Variants in RFLNA observed in about 807,000 individuals in gnomAD.
RFLNA encodes refilin A.
In RFLNA, 5 loss-of-function variants were observed where a neutral mutation model predicts 7.8. The ratio of observed to expected loss-of-function variants is 0.64; its 90% CI spans 0.34 to 1.35. The LOEUF is 1.35. RFLNA is among the 40% of genes most tolerant of loss of function. RFLNA has a pLI of 0.04. For missense variants in RFLNA, 278 were observed against 305.5 expected, an observed-to-expected ratio of 0.91 and a Z score of 0.67; for synonymous variants, 141 against 131.3, an observed-to-expected ratio of 1.07 and a Z score of -0.50.
chr12:124,311,136 C>T (rs1182507705), intron 1 of RFLNA, among the ~76,000 whole-genome samples: 1 of 152,234 alleles, frequency 6.6e-6, no homozygotes, highest in South Asian at 2.1e-4. Flanking sequence ...TGGAGGAGAA[C>T]CTGGGTAGGG....
chr12:124,307,677 G>A (rs1055925116), intron 1 of RFLNA, among the ~76,000 whole-genome samples: 3 of 152,220 alleles, frequency 2.0e-5, no homozygotes, highest in African/African-American at 4.8e-5. Flanking sequence ...AGGGCTGGGC[G>A]GCGCAGGCCC....
At position 124,314,561 on chromosome 12, in the gene RFLNA, G is replaced by C. The variant is rs986045206; in HGVS notation, c.*36G>C. On this transcript the variant is annotated 3_prime_UTR_variant, in exon 3 of 3. Coordinates refer to ENST00000546355, the MANE Select transcript of RFLNA (RefSeq NM_001365156.1). ...GCCGGCCCGGGGTGCTGGAGGAGCC[G>C]GGAGCCCTGGGGAGAAGCCGGGAGG... 16 of 1,534,140 alleles carry C rather than the reference G, an allele frequency of 1.0e-5. No individual in the cohort carries two copies. In the East Asian group the frequency reaches 3.9e-4, roughly 37 times the overall value.
intron 2 of RFLNA, among the ~76,000 whole-genome samples, chr12:124,313,556 G>C (rs1234610179): frequency 1.3e-5 from 2 of 152,058 alleles, no homozygotes; most frequent in Admixed American, 6.5e-5. Flanking sequence ...GCGGGCGCCT[G>C]TAGTCCCAGC....
chr12:124,308,422 C>CTT (rs2034175462), intron 1 of RFLNA, among the ~76,000 whole-genome samples: 2 of 151,250 alleles, frequency 1.3e-5, no homozygotes, highest in Admixed American at 1.3e-4. Context: ...TCTGCGTGGA[C>CTT]ATGGGCTTTG....
At chr12:124,297,325 C>G (rs2135674152) in intron 1 of RFLNA, among the ~76,000 whole-genome samples, 1 of 152,232 alleles carries the variant, frequency 6.6e-6, no homozygotes, top group Non-Finnish European at 1.5e-5. Flanking sequence ...TCACTAGATG[C>G]CAGGTATGAA....
At chr12:124,313,706 C>G (rs939044125) in intron 2 of RFLNA, among the ~76,000 whole-genome samples, 1 of 151,716 alleles carries the variant, frequency 6.6e-6, no homozygotes, top group Admixed American at 6.6e-5. Context: ...TTGCATGTGC[C>G]TCTCAAACAG....
chr12:124,300,452 A>T lies in RFLNA; in HGVS notation c.207+4816A>T, dbSNP rs529062233. On this transcript the variant is annotated intron_variant, in intron 1 of 2. Coordinates refer to ENST00000546355, the MANE Select transcript of RFLNA (RefSeq NM_001365156.1). ...GCCATCCCTTTGGACCTTGGCTGGGACCCTTGGGACTCTTGGATTTTCTCA... is the reference window on the plus strand; with the variant it reads ...GCCATCCCTTTGGACCTTGGCTGGGTCCCTTGGGACTCTTGGATTTTCTCA... Among the ~76,000 whole-genome samples, 9 of 150,420 alleles carry T rather than the reference A, an allele frequency of 6.0e-5. No homozygotes were observed. The South Asian group carries it at 1.9e-3, about 32-fold the overall frequency.
chr12:124,292,179 C>T (rs1393091306), upstream of RFLNA, among the ~76,000 whole-genome samples: 1 of 152,174 alleles, frequency 6.6e-6, no homozygotes, highest in Non-Finnish European at 1.5e-5. Flanking sequence ...TCTTTACCTG[C>T]TTCAAAACCT....
intron 1 of RFLNA, among the ~76,000 whole-genome samples, chr12:124,302,392 G>C (rs547672986): frequency 4.6e-5 from 7 of 152,122 alleles, no homozygotes; most frequent in African/African-American, 1.4e-4. Flanking sequence ...TCCTGGGCTC[G>C]TGGGTTCCTT....
intron 2 of RFLNA, 24 bp from the exon 3 acceptor site, chr12:124,314,168 C>T (rs2034304679): frequency 6.3e-7 from 1 of 1,596,744 alleles, no homozygotes; most frequent in South Asian, 1.1e-5. Context: ...TGGGTTCACT[C>T]CGCTTCCCTC....
At position 124,306,193 on chromosome 12, in the gene RFLNA, T is replaced by A. The variant is rs929526434; in HGVS notation, c.208-5625T>A. 2.0e-5 allele frequency among the ~76,000 whole-genome samples: 3 copies of A among 151,418 alleles called. No homozygotes were observed. In the South Asian group the frequency reaches 6.3e-4, roughly 32 times the overall value. On this transcript the variant is annotated intron_variant, in intron 1 of 2. Coordinates refer to ENST00000546355, the MANE Select transcript of RFLNA (RefSeq NM_001365156.1). The surrounding 1 kb of genome is among the most constrained non-coding windows in gnomAD (Gnocchi z 5.2). ...AGGTGCCAGGTCCTGGGCTTAGAGGTGATAAGGACTCCAGCCTTAGGGAGC... is the reference window on the plus strand; with the variant it reads ...AGGTGCCAGGTCCTGGGCTTAGAGGAGATAAGGACTCCAGCCTTAGGGAGC...
chr12:124,298,371 G>T (rs1375083877), intron 1 of RFLNA, among the ~76,000 whole-genome samples: 2 of 152,190 alleles, frequency 1.3e-5, no homozygotes, highest in African/African-American at 4.8e-5. Flanking sequence ...TATCTGGGAA[G>T]CGGCTGGCTG....
chr12:124,296,940 C>T (rs2033939783), intron 1 of RFLNA, among the ~76,000 whole-genome samples: 5 of 152,178 alleles, frequency 3.3e-5, no homozygotes, highest in South Asian at 2.1e-4. Context: ...TTATGGGAGC[C>T]TGGCGGGTGG....
chr12:124,296,073 T>TTTCTTTCTTTC (rs1161158247), intron 1 of RFLNA, among the ~76,000 whole-genome samples: 221 of 3,238 alleles, frequency 0.068, 28 homozygotes, highest in African/African-American at 0.15. Context: ...GTGAAAGCCT[T>TTTCTTTCTTTC]TTCTTTCTTT....
intron 1 of RFLNA, among the ~76,000 whole-genome samples, chr12:124,301,578 G>A (rs763485739): frequency 2.0e-5 from 3 of 152,180 alleles, no homozygotes; most frequent in Non-Finnish European, 4.4e-5. Flanking sequence ...GGAATCCAGA[G>A]GGGATATTTG....
chr12:124,301,179 G>A (rs1376667810), intron 1 of RFLNA, among the ~76,000 whole-genome samples: 1 of 152,192 alleles, frequency 6.6e-6, no homozygotes, highest in Non-Finnish European at 1.5e-5. Context: ...TGAGGAGGGA[G>A]AGGAGGGAAA....
upstream of RFLNA, among the ~76,000 whole-genome samples, chr12:124,290,805 C>T (rs1027334976): frequency 6.6e-6 from 1 of 152,224 alleles, no homozygotes; most frequent in Non-Finnish European, 1.5e-5. The surrounding 1 kb of genome is among the most constrained non-coding windows in gnomAD (Gnocchi z 4.0). Context: ...AATCTTCATT[C>T]ACTACCTTTA....
At chr12:124,313,508 C>T (rs950386415) in intron 2 of RFLNA, among the ~76,000 whole-genome samples, 29 of 152,144 alleles carry the variant, frequency 1.9e-4, no homozygotes, top group Non-Finnish European at 1.6e-4. Context: ...GAAACTCCGT[C>T]TCTACTAAAA....
Position 124,315,554 on chromosome 12 carries a change from C to T in RFLNA, c.*1029C>T, listed in dbSNP as rs1312904952. The T allele has an allele frequency of 2.6e-5, 4 of 152,276 alleles. No homozygotes were observed. Among genetic ancestry groups the T allele is most frequent in the Non-Finnish European group, 5.9e-5 (4 of 68,054 alleles). 9.4% of individuals were successfully genotyped at this position (152,276 alleles called of 1,614,324 possible). On this transcript the variant is annotated 3_prime_UTR_variant, in exon 3 of 3. Coordinates refer to ENST00000546355, the MANE Select transcript of RFLNA (RefSeq NM_001365156.1). ...ACCTTACTCCTTCCTGCGGCAGGCT[C>T]ACCCCTGCCTGTGGGATGTTGTGAG...
Sources: allele counts gnomAD v4.1 joint callset (sites outside exome capture counted in the v4.1 genomes callset), GRCh38; gene constraint gnomAD v4.1.1; non-coding constraint Gnocchi (gnomAD v3.1); transcripts MANE v1.5; gene names NCBI Gene and HGNC (gene_info 2026-07-23, HGNC 2026-07-21).